TAF4B: variants seen among roughly 807,000 people sequenced by gnomAD.
TAF4B encodes the protein transcription initiation factor TFIID subunit 4B.
TAF4B carries 38 observed loss-of-function variants against 86.4 expected under a neutral mutation model. The ratio of observed to expected loss-of-function variants is 0.44; its 90% CI spans 0.34 to 0.58. The LOEUF (loss-of-function observed/expected upper bound fraction) is 0.58. Among genes scored for constraint, TAF4B ranks in the 20% least tolerant of loss-of-function variants. TAF4B has a pLI of 0.02. For synonymous variants in TAF4B, 388 were observed against 391.2 expected (o/e 0.99, Z 0.10); for missense variants, 988 against 1,027.6 (o/e 0.96, Z 0.53).
intron 9 of TAF4B, among the ~76,000 whole-genome samples, chr18:26,312,819 A>G (rs2056866306): frequency 6.6e-6 from 1 of 152,116 alleles, no homozygotes; most frequent in Non-Finnish European, 1.5e-5. Context: ...TTTACTTTAA[A>G]GCAGGGATGA....
chr18:26,330,732 C>T (rs1274886168), intron 12 of TAF4B, among the ~76,000 whole-genome samples: 1 of 152,176 alleles, frequency 6.6e-6, no homozygotes, highest in African/African-American at 2.4e-5. Context: ...TCCAGTGCCT[C>T]AGAGTTCCTT....
rs148065252 is a variant in TAF4B at position 26,354,418 on chromosome 18, T to C, written c.2317-3272T>C. Among the ~76,000 whole-genome samples the C allele has an allele frequency of 2.4e-3, 363 of 152,332 alleles. 1 individual carries two copies. The highest frequency in any genetic ancestry group is 8.3e-3 in the African/African-American group (347 of 41,578). On this transcript the variant is annotated intron_variant, in intron 13 of 14. Transcript: ENST00000269142. ...CTGCCAGACACTAAAGTGGTAAGAA[T>C]AGACTTTAATCAGCTCCTGCCTTTC...
At chr18:26,364,176 A>G (rs2057352226) in intron 14 of TAF4B, among the ~76,000 whole-genome samples, 1 of 152,192 alleles carries the variant, frequency 6.6e-6, no homozygotes. Context: ...GGTAAAATTG[A>G]ATAGCATCAG....
At chr18:26,378,716 A>T (rs985558474) in intron 14 of TAF4B, among the ~76,000 whole-genome samples, 11 of 151,974 alleles carry the variant, frequency 7.2e-5, no homozygotes, top group South Asian at 6.2e-4. Context: ...ACCACCTGCA[A>T]CCCCCTCTGC....
intron 13 of TAF4B, among the ~76,000 whole-genome samples, chr18:26,351,982 A>C (rs1351453440): frequency 6.6e-6 from 1 of 152,186 alleles, no homozygotes; most frequent in African/African-American, 2.4e-5. Context: ...TGAAAATTTA[A>C]GTATGTATAT....
At position 26,332,506 on chromosome 18, in the gene TAF4B, T is replaced by G. The variant is rs1353747541; in HGVS notation, c.2260-2669T>G. 2.6e-5 allele frequency among the ~76,000 whole-genome samples: 4 copies of G among 152,234 alleles called. No homozygotes were observed. The East Asian group carries it at 7.7e-4, about 29-fold the overall frequency. On this transcript the variant is annotated intron_variant, in intron 12 of 14. Transcript: ENST00000269142. ...TTACATCAGTGACATCTCACCCCTG[T>G]GCTCCAAACACGCCAGTGGATTTTT...
At chr18:26,264,600 T>C (rs780476605) in intron 1 of TAF4B, among the ~76,000 whole-genome samples, 3 of 152,202 alleles carry the variant, frequency 2.0e-5, no homozygotes, top group Non-Finnish European at 4.4e-5. Flanking sequence ...CAAGAGAGGA[T>C]TGATTACATA....
chr18:26,371,371 T>C (rs970860551), intron 14 of TAF4B, among the ~76,000 whole-genome samples: 13 of 152,180 alleles, frequency 8.5e-5, no homozygotes, highest in South Asian at 2.1e-4. Context: ...TACCATTTCC[T>C]TATTTCTCTA....
chr18:26,265,254 A>G lies in TAF4B; in HGVS notation c.428A>G (p.Asn143Ser). 6.2e-7 allele frequency: 1 copy of G among 1,614,216 alleles called. No homozygotes were observed. Among genetic ancestry groups the G allele is most frequent in the South Asian group, 1.1e-5 (1 of 91,084 alleles). The change falls in exon 2 of 15, where the codon AAC becomes AGC. Residue 143 changes from asparagine to serine, a missense_variant. Physicochemically the swap from Asn to Ser is conservative, Grantham distance 46. Transcript: ENST00000269142. ...QTVTRAETTSNITSRPAVPAN... is the reference protein window; with the variant it reads ...QTVTRAETTSSITSRPAVPAN... The stretch of plus-strand genomic sequence containing the variant: ...GTAACAAGAGCCGAGACCACAAGTA[A>G]CATAACCTCAAGGCCAGCAGTACCA...
chr18:26,296,243 C>T (rs868008075), intron 9 of TAF4B, among the ~76,000 whole-genome samples: 6 of 152,078 alleles, frequency 3.9e-5, no homozygotes, highest in African/African-American at 1.2e-4. Flanking sequence ...GCATTTTCTC[C>T]GCTTCCAAAT....
At chr18:26,314,382 C>T (rs1303366299) in intron 9 of TAF4B, among the ~76,000 whole-genome samples, 2 of 152,144 alleles carry the variant, frequency 1.3e-5, no homozygotes, top group Admixed American at 6.5e-5. Context: ...GCTGTGGCCA[C>T]GTAACAATTC....
chr18:26,363,700 A>G (rs1163724292), intron 14 of TAF4B, among the ~76,000 whole-genome samples: 1 of 152,254 alleles, frequency 6.6e-6, no homozygotes, highest in East Asian at 1.9e-4. Flanking sequence ...ATGATGTATG[A>G]AACCATTTTT....
chr18:26,374,619 T>A (rs1032467677), intron 14 of TAF4B, among the ~76,000 whole-genome samples: 1 of 152,236 alleles, frequency 6.6e-6, no homozygotes, highest in African/African-American at 2.4e-5. Flanking sequence ...GGAAAAGTGG[T>A]TGGTAACTGT....
chr18:26,256,782 AGT>A (rs2056090928), intron 1 of TAF4B, among the ~76,000 whole-genome samples: 1 of 148,554 alleles, frequency 6.7e-6, no homozygotes, highest in Non-Finnish European at 1.5e-5. Flanking sequence ...GTTACTTAGA[AGT>A]GTGTTTATTA....
intron 9 of TAF4B, among the ~76,000 whole-genome samples, chr18:26,298,780 T>C (rs1568137108): frequency 6.6e-6 from 1 of 150,796 alleles, no homozygotes; most frequent in Non-Finnish European, 1.5e-5. Flanking sequence ...CCTGGCCTCA[T>C]GAGATCCTCC....
chr18:26,350,507 A>G (rs2057236187), intron 13 of TAF4B, among the ~76,000 whole-genome samples: 1 of 152,120 alleles, frequency 6.6e-6, no homozygotes, highest in African/African-American at 2.4e-5. Context: ...CCGTCTCTAC[A>G]AAAAATTTAA....
intron 10 of TAF4B, among the ~76,000 whole-genome samples, chr18:26,317,944 G>A (rs1289559509): frequency 6.6e-6 from 1 of 152,204 alleles, no homozygotes; most frequent in Admixed American, 6.5e-5. Flanking sequence ...CTTACAAAGA[G>A]TGATCAGATT....
At chr18:26,242,515 T>C (rs1321086301) in intron 1 of TAF4B, among the ~76,000 whole-genome samples, 1 of 152,188 alleles carries the variant, frequency 6.6e-6, no homozygotes, top group Non-Finnish European at 1.5e-5. Context: ...TACAGCACAC[T>C]GATGGGTCTT....
At chr18:26,252,272 T>C (rs2056018019) in intron 1 of TAF4B, among the ~76,000 whole-genome samples, 1 of 152,210 alleles carries the variant, frequency 6.6e-6, no homozygotes, top group African/African-American at 2.4e-5. Flanking sequence ...TTTGGTGCTA[T>C]TGTGAATAGA....
Sources: allele counts gnomAD v4.1 joint callset (sites outside exome capture counted in the v4.1 genomes callset), GRCh38; gene constraint gnomAD v4.1.1; transcripts MANE v1.5; gene names NCBI Gene and HGNC (gene_info 2026-07-23, HGNC 2026-07-21).